MED13L: variants seen among roughly 807,000 people sequenced by gnomAD.
MED13L encodes mediator complex subunit 13L.
MED13L carries 7 observed loss-of-function variants against 220.9 expected under a neutral mutation model. The ratio of observed to expected loss-of-function variants is 0.03; its 90% CI spans 0.02 to 0.06. The LOEUF is 0.06. Among genes scored for constraint, MED13L ranks in the 10% least tolerant of loss-of-function variants. The pLI is 1.00. For missense variants in MED13L, 1,965 were observed against 2,760.5 expected (o/e 0.71, Z 6.46); for synonymous variants, 1,011 against 1,015.2 (o/e 1.00, Z 0.08).
chr12:116,009,157 T>C, intron 9 of MED13L, 25 bp from the exon 10 acceptor site: 1 of 1,613,292 alleles, frequency 6.2e-7, no homozygotes, highest in Non-Finnish European at 8.5e-7. Flanking sequence ...AACAATTACA[T>C]CATTATAACA....
intron 1 of MED13L, chr12:116,276,513 G>A: frequency 7.8e-7 from 1 of 1,284,508 alleles, no homozygotes. Context: ...GTTTACAATC[G>A]CGGGAGCTTC....
At chr12:116,007,667 A>G in intron 10 of MED13L, 31 bp from the exon 11 acceptor site, 1 of 1,446,068 alleles carries the variant, frequency 6.9e-7, no homozygotes, top group Non-Finnish European at 9.6e-7. Context: ...AAAAAAAAAG[A>G]GCATTTATGC....
At chr12:116,177,820 T>C (rs555639180) in intron 2 of MED13L, among the ~76,000 whole-genome samples, 1 of 152,240 alleles carries the variant, frequency 6.6e-6, no homozygotes, top group African/African-American at 2.4e-5. Context: ...CAATCTTAAA[T>C]CTGTAATATC....
intron 4 of MED13L, among the ~76,000 whole-genome samples, chr12:116,049,883 A>T (rs1389830600): frequency 6.6e-6 from 1 of 152,222 alleles, no homozygotes; most frequent in Non-Finnish European, 1.5e-5. Context: ...ATATTTCTTA[A>T]ATAGAATAGA....
At chr12:116,013,123 A>T (rs1449746502) in intron 8 of MED13L, among the ~76,000 whole-genome samples, 1 of 152,208 alleles carries the variant, frequency 6.6e-6, no homozygotes, top group African/African-American at 2.4e-5. Context: ...TTGTAATCCC[A>T]GCATTTTGGG....
chr12:115,988,365 T>C (rs765254782), intron 17 of MED13L, among the ~76,000 whole-genome samples: 4 of 152,210 alleles, frequency 2.6e-5, no homozygotes, highest in Non-Finnish European at 5.9e-5. Flanking sequence ...GAGACCCATA[T>C]TCCTGCATAA....
At position 116,006,470 on chromosome 12, in the gene MED13L, G is replaced by A; in HGVS notation, c.2239-59C>T. ...AACACCAACCCAAAGTGTGAAATAT[G>A]AGGGAGAACACAAAGAATTAGAGGG... On this transcript the variant is annotated intron_variant, in intron 11 of 30. Coordinates refer to ENST00000281928, the MANE Select transcript of MED13L (RefSeq NM_015335.5). 1.5e-6 allele frequency: 2 copies of A among 1,303,038 alleles called. 1 individual carries two copies. Among genetic ancestry groups the A allele is most frequent in the Non-Finnish European group, 2.2e-6 (2 of 896,880 alleles). The allele number at this position is 1,303,038 out of a possible 1,614,324, so 80.7% of individuals were successfully genotyped here.
chr12:116,007,693 A>G, intron 10 of MED13L, 57 bp from the exon 11 acceptor site: 1 of 1,479,708 alleles, frequency 6.8e-7, no homozygotes, highest in Non-Finnish European at 9.3e-7. Flanking sequence ...AGCATTTACA[A>G]AGTTTAAACT....
rs1056120554 is a variant in MED13L at position 115,959,029 on chromosome 12, C to T, written c.*2237G>A. The T allele has an allele frequency of 2.6e-5, 4 of 152,440 alleles. No individual in the cohort carries two copies. The highest frequency in any genetic ancestry group is 5.9e-5 in the Non-Finnish European group (4 of 68,020). The allele number at this position is 152,440 out of a possible 1,614,324, so 9.4% of individuals were successfully genotyped here. The stretch of plus-strand genomic sequence containing the variant: ...AATAAAAAAAAATAAAATAACTTCT[C>T]ACTCTGTAGCAAATCCAGGGCTTGT... On this transcript the variant is annotated 3_prime_UTR_variant, in exon 31 of 31. Coordinates refer to ENST00000281928, the MANE Select transcript of MED13L (RefSeq NM_015335.5).
At chr12:115,985,712 T>TAAAA (rs1877644321) in intron 19 of MED13L, among the ~76,000 whole-genome samples, 1 of 152,198 alleles carries the variant, frequency 6.6e-6, no homozygotes, top group Non-Finnish European at 1.5e-5. Flanking sequence ...TCTGCCTGGT[T>TAAAA]TTTACATTAT....
chr12:116,078,489 G>A (rs142413270), intron 4 of MED13L, among the ~76,000 whole-genome samples: 336 of 152,284 alleles, frequency 2.2e-3, no homozygotes, highest in African/African-American at 7.7e-3. Flanking sequence ...TTGTAGATGC[G>A]TGGTTCTCAG....
intron 1 of MED13L, among the ~76,000 whole-genome samples, chr12:116,259,352 T>C (rs1053462909): frequency 5.9e-5 from 9 of 152,194 alleles, no homozygotes; most frequent in African/African-American, 2.2e-4. Flanking sequence ...AACTGCGATA[T>C]ACGAGAACTA....
At chr12:116,164,535 C>T (rs775785261) in intron 2 of MED13L, among the ~76,000 whole-genome samples, 79 of 152,210 alleles carry the variant, frequency 5.2e-4, no homozygotes, top group Non-Finnish European at 1.1e-3. Context: ...TAAAACCAGA[C>T]GCTTTAAACA....
chr12:116,014,225 TAA>T (rs1234139030), intron 8 of MED13L, among the ~76,000 whole-genome samples: 4 of 152,240 alleles, frequency 2.6e-5, no homozygotes, highest in Non-Finnish European at 5.9e-5. Context: ...TAAATCTGTA[TAA>T]AAACTTGGAA....
intron 11 of MED13L, chr12:116,006,694 T>G (rs545658899): frequency 4.1e-6 from 2 of 493,290 alleles, no homozygotes; most frequent in African/African-American, 1.9e-5. Flanking sequence ...AGACCTGCCA[T>G]GGTGTTAAAA....
chr12:116,002,291 T>C (rs1878793933), intron 14 of MED13L, among the ~76,000 whole-genome samples: 1 of 152,244 alleles, frequency 6.6e-6, no homozygotes, highest in African/African-American at 2.4e-5. Context: ...CATTTATAGG[T>C]TCATAAAGCT....
intron 25 of MED13L, chr12:115,972,517 G>T: frequency 2.4e-6 from 1 of 412,094 alleles, no homozygotes; most frequent in Non-Finnish European, 4.6e-6. Flanking sequence ...ACCTAGACCA[G>T]ATTTAGGCAC....
At chr12:116,174,839 GA>G (rs1879932527) in intron 2 of MED13L, 1 of 152,388 alleles carries the variant, frequency 6.6e-6, no homozygotes, top group Non-Finnish European at 1.5e-5. Flanking sequence ...ACCACAGAGG[GA>G]AGATCACTTA....
chr12:116,008,814 G>A lies in MED13L; in HGVS notation c.1599C>T (p.Ser533=). 6.2e-7 allele frequency: 1 copy of A among 1,613,966 alleles called. No homozygotes were observed. The highest frequency in any genetic ancestry group is 8.5e-7 in the Non-Finnish European group (1 of 1,180,002). The change falls in exon 10 of 31, where the codon TCC becomes TCT. Residue 533 remains serine (S), a synonymous_variant. Transcript: ENST00000281928. ...RKYDKQMAVP[S]RNTSKQMNLN... ...GATTCATTTGCTTGCTTGTATTTCT[G>A]GAAGGCACGGCCATTTGCTTATCAT...
Sources: gnomAD v4.1 joint callset for allele counts (sites outside exome capture counted in the v4.1 genomes callset) on GRCh38, gnomAD v4.1.1 for gene constraint, MANE v1.5 for transcripts, NCBI Gene and HGNC (gene_info 2026-07-23, HGNC 2026-07-21) for gene names.